Variants in UBE3C observed in about 807,000 individuals in gnomAD.
UBE3C encodes ubiquitin protein ligase E3C.
Under a neutral mutation model 129.4 loss-of-function variants are expected in UBE3C, and 42 were observed. The ratio of observed to expected loss-of-function variants is 0.32; its 90% CI spans 0.25 to 0.42. UBE3C has a LOEUF of 0.42. UBE3C is among the 10% of genes least tolerant of loss of function. UBE3C has a pLI of 1.00. For synonymous variants in UBE3C, 510 were observed against 492.4 expected, an observed-to-expected ratio of 1.04 and a Z score of -0.47; for missense variants, 1,049 against 1,319.1, an observed-to-expected ratio of 0.80 and a Z score of 3.17.
chr7:157,194,072 A>G (rs1809050119), intron 10 of UBE3C, among the ~76,000 whole-genome samples: 7 of 152,238 alleles, frequency 4.6e-5, no homozygotes, highest in Admixed American at 3.3e-4. Context: ...AAACAGGACA[A>G]TGCCCTTTGA....
intron 13 of UBE3C, among the ~76,000 whole-genome samples, chr7:157,215,378 A>G (rs1279958014): frequency 6.6e-6 from 1 of 151,688 alleles, no homozygotes; most frequent in African/African-American, 2.4e-5. Context: ...TGTAAATGCT[A>G]AATTATGGAA....
At chr7:157,194,306 C>T (rs3802117) in intron 10 of UBE3C, among the ~76,000 whole-genome samples, 72,228 of 152,038 alleles carry the variant, frequency 0.48, 19,747 homozygotes, top group African/African-American at 0.76. Context: ...CTCACCACTT[C>T]CATCCTGTGG....
intron 18 of UBE3C, among the ~76,000 whole-genome samples, chr7:157,236,281 A>G (rs1190950272): frequency 1.3e-5 from 2 of 152,234 alleles, no homozygotes; most frequent in African/African-American, 2.4e-5. Context: ...ATTTAAGCCA[A>G]TTAAGTTCAG....
At chr7:157,228,781 G>T (rs1563065619) in intron 17 of UBE3C, among the ~76,000 whole-genome samples, 1 of 152,196 alleles carries the variant, frequency 6.6e-6, no homozygotes, top group Non-Finnish European at 1.5e-5. Flanking sequence ...TGGTATTTCT[G>T]TGTGGTGGCT....
At chr7:157,163,761 T>A in intron 1 of UBE3C, 49 bp from the exon 2 acceptor site, 1 of 1,586,350 alleles carries the variant, frequency 6.3e-7, no homozygotes, top group East Asian at 2.2e-5. Context: ...ATGGGAGTTT[T>A]AAAATTGAAA....
chr7:157,253,825 A>G, intron 19 of UBE3C, 129 bp from the exon 20 acceptor site: 2 of 900,388 alleles, frequency 2.2e-6, no homozygotes, highest in Non-Finnish European at 3.3e-6. Flanking sequence ...CTCGGGTACT[A>G]TTTCGTATTT....
intron 3 of UBE3C, among the ~76,000 whole-genome samples, chr7:157,169,607 C>G (rs572285925): frequency 6.6e-6 from 1 of 152,250 alleles, no homozygotes; most frequent in East Asian, 1.9e-4. Flanking sequence ...AACTCATGAC[C>G]TCAAATGATT....
intron 13 of UBE3C, among the ~76,000 whole-genome samples, chr7:157,209,260 T>C (rs2117013028): frequency 6.6e-6 from 1 of 152,316 alleles, no homozygotes; most frequent in Admixed American, 6.5e-5. Flanking sequence ...CACATTTCTC[T>C]TAGGAGCATG....
At position 157,258,700 on chromosome 7, in the gene UBE3C, T is replaced by C. The variant is rs1002270423; in HGVS notation, c.3081+1656T>C. The stretch of plus-strand genomic sequence containing the variant: ...GTCTCAAACTCCTGACCTCAGGTGA[T>C]CCACCTACCTCAGCCTCCCAAAGTG... On this transcript the variant is annotated intron_variant, in intron 22 of 22. Coordinates refer to ENST00000348165, the MANE Select transcript of UBE3C (RefSeq NM_014671.3). 2.6e-5 allele frequency among the ~76,000 whole-genome samples: 4 copies of C among 152,178 alleles called. No homozygotes were observed. The East Asian group carries it at 7.7e-4, about 29-fold the overall frequency.
At chr7:157,161,077 A>G (rs1395084298) in intron 1 of UBE3C, among the ~76,000 whole-genome samples, 2 of 152,218 alleles carry the variant, frequency 1.3e-5, no homozygotes, top group African/African-American at 2.4e-5. Flanking sequence ...GTACCTAAAT[A>G]TAATGTGGGG....
chr7:157,169,372 C>G, intron 3 of UBE3C, among the ~76,000 whole-genome samples: 1 of 139,222 alleles, frequency 7.2e-6, no homozygotes. Flanking sequence ...CATGAGAGAT[C>G]CTTTTTTTTT....
At chr7:157,232,420 G>A (rs1197473203) in intron 18 of UBE3C, among the ~76,000 whole-genome samples, 4 of 152,034 alleles carry the variant, frequency 2.6e-5, no homozygotes, top group African/African-American at 7.2e-5. Context: ...GTGCTGTGGC[G>A]CCATCTCTGC....
intron 22 of UBE3C, among the ~76,000 whole-genome samples, chr7:157,262,871 T>G (rs1420028409): frequency 7.9e-5 from 12 of 152,232 alleles, no homozygotes; most frequent in Admixed American, 5.9e-4. Flanking sequence ...GCTTCAGTGC[T>G]TCCAAAGGTT....
chr7:157,212,145 T>C (rs1458163794), intron 13 of UBE3C, among the ~76,000 whole-genome samples: 1 of 152,242 alleles, frequency 6.6e-6, no homozygotes, highest in Admixed American at 6.5e-5. Context: ...AAGTATGCTT[T>C]GTATTTTGCT....
chr7:157,184,833 A>C (rs1465216621), intron 9 of UBE3C, among the ~76,000 whole-genome samples: 1 of 152,244 alleles, frequency 6.6e-6, no homozygotes, highest in Non-Finnish European at 1.5e-5. Flanking sequence ...TCGATAAGTC[A>C]GCTCAGGGCT....
chr7:157,261,023 C>T (rs1182211737), intron 22 of UBE3C, among the ~76,000 whole-genome samples: 1 of 151,974 alleles, frequency 6.6e-6, no homozygotes, highest in Non-Finnish European at 1.5e-5. Context: ...AATAGACTGG[C>T]CAGGTGCGGT....
intron 22 of UBE3C, among the ~76,000 whole-genome samples, chr7:157,264,633 G>A (rs776237728): frequency 6.6e-6 from 1 of 152,196 alleles, no homozygotes; most frequent in Non-Finnish European, 1.5e-5. Flanking sequence ...CCAGGCTGGA[G>A]TGCAATGCGT....
At chr7:157,181,996 T>C (rs1205219689) in intron 7 of UBE3C, 112 bp from the exon 8 acceptor site, 2 of 1,159,654 alleles carry the variant, frequency 1.7e-6, no homozygotes, top group East Asian at 5.0e-5. Context: ...CTTGGCTAAT[T>C]TAGAAGAGTA....
chr7:157,198,264 G>A, intron 10 of UBE3C: 2 of 1,103,160 alleles, frequency 1.8e-6, no homozygotes, highest in Non-Finnish European at 2.8e-6. Context: ...TGACATTGAG[G>A]TGGTGTCCGT....
Sources: gnomAD v4.1 joint callset for allele counts (sites outside exome capture counted in the v4.1 genomes callset) on GRCh38, gnomAD v4.1.1 for gene constraint, MANE v1.5 for transcripts, NCBI Gene and HGNC (gene_info 2026-07-23, HGNC 2026-07-21) for gene names.